ZNF516: variants seen among roughly 807,000 people sequenced by gnomAD.
The protein encoded by ZNF516 is zinc finger protein 516.
A neutral mutation model predicts 79.7 loss-of-function variants in ZNF516; 19 were observed. The ratio of observed to expected loss-of-function variants is 0.24; its 90% CI spans 0.17 to 0.35. ZNF516 has a LOEUF of 0.35. ZNF516 is among the 10% of genes least tolerant of loss of function. The pLI, the probability that ZNF516 is intolerant of heterozygous loss-of-function variation, is 1.00. For synonymous variants in ZNF516, 877 were observed against 739.5 expected, an observed-to-expected ratio of 1.19 and a Z score of -3.02; for missense variants, 1,678 against 1,679.5, an observed-to-expected ratio of 1.00 and a Z score of 0.02.
rs373540251 is a variant in ZNF516, at chr18:76,360,646, A to AAAAAAAAAAAAAAATAT, written c.*1851_*1852insATATTTTTTTTTTTTTT. 1 of 72,494 alleles carries AAAAAAAAAAAAAAATAT rather than the reference A, an allele frequency of 1.4e-5. No homozygotes were observed. Among genetic ancestry groups the AAAAAAAAAAAAAAATAT allele is most frequent in the Non-Finnish European group, 2.7e-5 (1 of 36,934 alleles). The allele number at this position is 72,494 out of a possible 1,614,324, so 4.5% of individuals were successfully genotyped here. A position where few individuals can be genotyped will look rare whatever the true frequency, so the allele number is the denominator to read the frequency against. On this transcript the variant is annotated 3_prime_UTR_variant, in exon 7 of 7. Coordinates refer to ENST00000443185, the MANE Select transcript of ZNF516 (RefSeq NM_014643.4). ...AAAAAAATAAGTAAAAAAAAAAAAA[A>AAAAAAAAAAAAAAATAT]ATATATATATATATATATATATATA...
At chr18:76,456,895 C>T (rs1346043899) in intron 2 of ZNF516, among the ~76,000 whole-genome samples, 1 of 152,166 alleles carries the variant, frequency 6.6e-6, no homozygotes, top group Non-Finnish European at 1.5e-5. Flanking sequence ...TGTTGTTTTC[C>T]AAAATCACTT....
intron 6 of ZNF516, among the ~76,000 whole-genome samples, chr18:76,365,335 C>A (rs1034098888): frequency 6.6e-6 from 1 of 152,178 alleles, no homozygotes; most frequent in Non-Finnish European, 1.5e-5. Context: ...TTCAATAAAT[C>A]CCAAAACCAC....
intron 1 of ZNF516, among the ~76,000 whole-genome samples, chr18:76,479,205 A>C (rs1914353156): frequency 6.6e-6 from 1 of 152,198 alleles, no homozygotes; most frequent in Admixed American, 6.5e-5. Flanking sequence ...TGTTTGAATA[A>C]AAGGGGCCTT....
chr18:76,485,496 T>G (rs919187457), intron 1 of ZNF516, among the ~76,000 whole-genome samples: 1 of 152,066 alleles, frequency 6.6e-6, no homozygotes, highest in African/African-American at 2.4e-5. Context: ...TGTGGATGAA[T>G]AGAAATTTGT....
At chr18:76,475,864 T>G (rs1914144523) in intron 1 of ZNF516, among the ~76,000 whole-genome samples, 2 of 152,242 alleles carry the variant, frequency 1.3e-5, no homozygotes, top group South Asian at 4.1e-4. Context: ...TTCTTTAAAA[T>G]GTATATATTT....
At position 76,476,301 on chromosome 18, in the gene ZNF516, T is replaced by C. The variant is rs185309769; in HGVS notation, c.-271-13160A>G. 1.5e-3 allele frequency among the ~76,000 whole-genome samples: 210 copies of C among 141,212 alleles called. 2 individuals carry two copies. The highest frequency in any genetic ancestry group is 2.5e-3 in the Non-Finnish European group (147 of 59,988). The allele number at this position is 141,212 out of a possible 152,430, so 92.6% of individuals were successfully genotyped here. ...CACCATTTTGTGAAAAATCACCGTA[T>C]ATGTCTTAAAAGCAAAGTGTCTCTG... On this transcript the variant is annotated intron_variant, in intron 1 of 6. Coordinates refer to ENST00000443185, the MANE Select transcript of ZNF516 (RefSeq NM_014643.4).
intron 3 of ZNF516, among the ~76,000 whole-genome samples, chr18:76,409,246 CTA>C (rs2075342640): frequency 6.6e-6 from 1 of 152,148 alleles, no homozygotes; most frequent in Non-Finnish European, 1.5e-5. Flanking sequence ...TATAGAAACT[CTA>C]TTTTTATACA....
intron 4 of ZNF516, among the ~76,000 whole-genome samples, chr18:76,377,185 G>A (rs591107): frequency 0.63 from 95,576 of 152,162 alleles, 31,454 homozygotes; most frequent in East Asian, 0.76. Context: ...AGGTTACACC[G>A]TCCACCCAGA....
intron 3 of ZNF516, among the ~76,000 whole-genome samples, chr18:76,438,480 C>T (rs12953853): frequency 0.024 from 3,611 of 152,230 alleles, 56 homozygotes; most frequent in Middle Eastern, 0.034. Context: ...GTCCATGCCA[C>T]GTCTCTTTCT....
At chr18:76,492,230 C>T in intron 1 of ZNF516, 1 of 985,472 alleles carries the variant, frequency 1.0e-6, no homozygotes. Flanking sequence ...AACATTTACA[C>T]GGAGATGCTG....
chr18:76,469,493 T>C (rs1158019803), intron 1 of ZNF516, among the ~76,000 whole-genome samples: 1 of 152,210 alleles, frequency 6.6e-6, no homozygotes, highest in East Asian at 1.9e-4. Flanking sequence ...TTTCCACTAC[T>C]GCATTCAAGA....
At chr18:76,458,338 T>C (rs1912860010) in intron 2 of ZNF516, among the ~76,000 whole-genome samples, 1 of 152,208 alleles carries the variant, frequency 6.6e-6, no homozygotes, top group Non-Finnish European at 1.5e-5. Context: ...CTCCAATTCC[T>C]GACGGGCCCA....
At chr18:76,405,318 G>A (rs981576581) in intron 3 of ZNF516, among the ~76,000 whole-genome samples, 4 of 152,090 alleles carry the variant, frequency 2.6e-5, no homozygotes, top group Non-Finnish European at 5.9e-5. Flanking sequence ...GGGTGTCCTC[G>A]ACTTCCTGGG....
chr18:76,441,071 A>T (rs1294345590), intron 3 of ZNF516, among the ~76,000 whole-genome samples, 174 bp downstream of exon 3: 1 of 152,136 alleles, frequency 6.6e-6, no homozygotes, highest in East Asian at 1.9e-4. Flanking sequence ...GCACAAGGCC[A>T]CCCGGGTGTG....
upstream of ZNF516, chr18:76,495,798 T>A: frequency 9.2e-7 from 1 of 1,085,346 alleles, no homozygotes; most frequent in Non-Finnish European, 1.1e-6. Context: ...TGCGTGTGCA[T>A]TACACACGGC....
At chr18:76,450,664 CCTAA>C (rs1401967034) in intron 2 of ZNF516, among the ~76,000 whole-genome samples, 1 of 152,148 alleles carries the variant, frequency 6.6e-6, no homozygotes, top group Non-Finnish European at 1.5e-5. Context: ...TTCTGGCATT[CCTAA>C]CTATCCTTCC....
chr18:76,435,518 G>A (rs545047101), intron 3 of ZNF516, among the ~76,000 whole-genome samples: 2 of 152,218 alleles, frequency 1.3e-5, no homozygotes, highest in Admixed American at 1.3e-4. Context: ...TCATGTGTGC[G>A]GGAGCGCGGA....
At chr18:76,496,009 C>T (rs1915466792), upstream of ZNF516, among the ~76,000 whole-genome samples, 1 of 152,116 alleles carries the variant, frequency 6.6e-6, no homozygotes. Flanking sequence ...TTTTTCTGTT[C>T]TTAAAACTTC....
At chr18:76,440,846 G>A (rs527393745) in intron 3 of ZNF516, among the ~76,000 whole-genome samples, 7 of 152,222 alleles carry the variant, frequency 4.6e-5, no homozygotes, top group Non-Finnish European at 8.8e-5. Context: ...AGGGATCCAT[G>A]ATGGTGTTCT....
Sources: allele counts gnomAD v4.1 joint callset (sites outside exome capture counted in the v4.1 genomes callset), GRCh38; gene constraint gnomAD v4.1.1; transcripts MANE v1.5; gene names NCBI Gene and HGNC (gene_info 2026-07-23, HGNC 2026-07-21).